RWDD4: variants seen among roughly 807,000 people sequenced by gnomAD.
RWDD4 encodes RWD domain-containing protein 4.
Under a neutral mutation model 30.0 loss-of-function variants are expected in RWDD4, and 16 were observed. The observed-to-expected ratio is 0.53, with a 90% CI of 0.36 to 0.81. The LOEUF is 0.81. Among genes scored for constraint, RWDD4 ranks in the 30% least tolerant of loss-of-function variants. The probability of loss-of-function intolerance (pLI) is 0.00; values close to 1 mark genes in which losing one functional copy is unlikely to be tolerated. For synonymous variants in RWDD4, 45 were observed against 72.1 expected (o/e 0.62, Z 1.90); for missense variants, 170 against 223.9 (o/e 0.76, Z 1.54).
intron 1 of RWDD4, among the ~76,000 whole-genome samples, chr4:183,656,753 C>T (rs541073750): frequency 7.2e-5 from 11 of 152,332 alleles, no homozygotes; most frequent in Non-Finnish European, 1.3e-4. Context: ...TGGCTGGGCG[C>T]GGTGGCTCAC....
intron 1 of RWDD4, among the ~76,000 whole-genome samples, chr4:183,656,599 T>A (rs969420532): frequency 1.3e-5 from 2 of 152,184 alleles, no homozygotes; most frequent in African/African-American, 4.8e-5. Flanking sequence ...TGATCACCGA[T>A]GAATACCTGA....
At chr4:183,641,842 A>C (rs1032246760) in intron 7 of RWDD4, among the ~76,000 whole-genome samples, 6 of 152,202 alleles carry the variant, frequency 3.9e-5, no homozygotes, top group African/African-American at 1.4e-4. Context: ...TTTAAAAAAT[A>C]ATTTTAAATG....
At chr4:183,642,210 G>C (rs1733869517) in intron 7 of RWDD4, among the ~76,000 whole-genome samples, 1 of 57,436 alleles carries the variant, frequency 1.7e-5, no homozygotes. Flanking sequence ...TTTTTTTTGA[G>C]ACAGAGTCTC....
intron 2 of RWDD4, among the ~76,000 whole-genome samples, chr4:183,652,165 A>G (rs1305064239): frequency 1.3e-5 from 2 of 152,184 alleles, no homozygotes; most frequent in African/African-American, 4.8e-5. Context: ...ACACCCAAGA[A>G]ATTCAACATT....
At chr4:183,648,765 C>G (rs920538713) in intron 5 of RWDD4, among the ~76,000 whole-genome samples, 7 of 152,070 alleles carry the variant, frequency 4.6e-5, no homozygotes, top group Admixed American at 1.3e-4. Flanking sequence ...TCTCTAGACT[C>G]ATTTATAGTT....
chr4:183,651,152 A>C, intron 3 of RWDD4, 21 bp from the exon 4 acceptor site: 3 of 1,613,824 alleles, frequency 1.9e-6, no homozygotes, highest in Non-Finnish European at 2.5e-6. Flanking sequence ...CAACAAAAAT[A>C]CCTTGCTGAG....
chr4:183,653,172 C>A (rs1167028512), intron 2 of RWDD4, among the ~76,000 whole-genome samples: 2 of 152,192 alleles, frequency 1.3e-5, no homozygotes, highest in African/African-American at 4.8e-5. Context: ...TAAGGAGGCA[C>A]AGAAGATCTT....
chr4:183,650,424 C>T (rs922697738), intron 4 of RWDD4, among the ~76,000 whole-genome samples: 3 of 152,178 alleles, frequency 2.0e-5, no homozygotes, highest in African/African-American at 4.8e-5. Flanking sequence ...TAAATTATAC[C>T]GAACCCCTCA....
chr4:183,652,000 C>T (rs1016882297), intron 2 of RWDD4, among the ~76,000 whole-genome samples: 1 of 152,098 alleles, frequency 6.6e-6, no homozygotes. Flanking sequence ...TATCTTTCCC[C>T]CTCTCCACCA....
intron 5 of RWDD4, 54 bp from the exon 6 acceptor site, chr4:183,646,591 A>T (rs1733970394): frequency 6.7e-7 from 1 of 1,503,408 alleles, no homozygotes; most frequent in Non-Finnish European, 9.1e-7. Context: ...CTAGTTTTAT[A>T]ATAATTAAGA....
intron 5 of RWDD4, among the ~76,000 whole-genome samples, chr4:183,649,009 A>G (rs1182713645): frequency 6.6e-6 from 1 of 152,134 alleles, no homozygotes; most frequent in Non-Finnish European, 1.5e-5. Flanking sequence ...CCAAAAGGTC[A>G]GTGACCCAAA....
chr4:183,651,400 A>C (rs1397848323), intron 2 of RWDD4, 73 bp from the exon 3 acceptor site: 6 of 1,107,736 alleles, frequency 5.4e-6, no homozygotes, highest in Non-Finnish European at 1.4e-6. Flanking sequence ...AATCTTCAAA[A>C]GGGTGAATTC....
At chr4:183,643,233 C>G (rs1668777093) in intron 7 of RWDD4, among the ~76,000 whole-genome samples, 1 of 147,520 alleles carries the variant, frequency 6.8e-6, no homozygotes. Flanking sequence ...TTGTGACCAG[C>G]CTGGCCAATA....
chr4:183,650,908 A>C, intron 4 of RWDD4, 76 bp downstream of exon 4: 1 of 1,442,252 alleles, frequency 6.9e-7, no homozygotes, highest in South Asian at 1.3e-5. Flanking sequence ...AATATATATT[A>C]AGTAGTACAA....
At chr4:183,642,000 G>A in intron 7 of RWDD4, among the ~76,000 whole-genome samples, 1 of 151,890 alleles carries the variant, frequency 6.6e-6, no homozygotes, top group Non-Finnish European at 1.5e-5. Flanking sequence ...CAAATTTGGG[G>A]TAAGGGGAGG....
chr4:183,647,381 T>C (rs1333383105), intron 5 of RWDD4, among the ~76,000 whole-genome samples: 4 of 152,214 alleles, frequency 2.6e-5, no homozygotes, highest in Admixed American at 2.6e-4. Context: ...TGGAGCTCAA[T>C]TTTAGATGCT....
rs1476669017 is a variant in RWDD4 at position 183,639,718 on chromosome 4, C to T, written c.*1718G>A. 1 of 152,490 alleles carries T rather than the reference C, an allele frequency of 6.6e-6. No individual in the cohort carries two copies. The highest frequency in any genetic ancestry group is 1.5e-5 in the Non-Finnish European group (1 of 68,016). 9.4% of individuals were successfully genotyped at this position (152,490 alleles called of 1,614,324 possible). On this transcript the variant is annotated 3_prime_UTR_variant, in exon 8 of 8. Transcript: ENST00000326397. ...AGTAAACAGACATTGAGAAAATATACTGGGAGTGTTAAACAGATGACGGCA... is the reference window on the plus strand; with the variant it reads ...AGTAAACAGACATTGAGAAAATATATTGGGAGTGTTAAACAGATGACGGCA...
At chr4:183,651,978 C>T (rs1179780162) in intron 2 of RWDD4, among the ~76,000 whole-genome samples, 1 of 152,084 alleles carries the variant, frequency 6.6e-6, no homozygotes, top group Non-Finnish European at 1.5e-5. Flanking sequence ...ATACTTTCTG[C>T]CTCATTTACT....
Position 183,649,508 on chromosome 4 carries a change from T to A in RWDD4, c.424A>T (p.Lys142Ter). 1 of 1,613,456 alleles carries A rather than the reference T, an allele frequency of 6.2e-7. No homozygotes were observed. Among genetic ancestry groups the A allele is most frequent in the Non-Finnish European group, 8.5e-7 (1 of 1,179,482 alleles). ...TTTGAAAGTTGTTCTTTTTTGTCTT[T>A]TTTCTTACTTGATGGGGCTGTATTA... Reference protein sequence around the residue: ...TPNTAPSSKKKDKKEQLSKAQ... With the variant: ...TPNTAPSSKK Residue 142 changes from lysine to a stop codon, truncating the protein, a stop_gained, in exon 5 of 8, where the codon AAA becomes TAA. Transcript: ENST00000326397. LOFTEE classifies it high-confidence loss of function.
Sources: gnomAD v4.1 joint callset for allele counts (sites outside exome capture counted in the v4.1 genomes callset) on GRCh38, gnomAD v4.1.1 for gene constraint, MANE v1.5 for transcripts, NCBI Gene and HGNC (gene_info 2026-07-23, HGNC 2026-07-21) for gene names.